Variants in MEGF10 observed in about 807,000 individuals in gnomAD.
The protein encoded by MEGF10 is multiple EGF like domains 10, also known as multiple epidermal growth factor-like domains protein 10.
In MEGF10, 86 loss-of-function variants were observed where a neutral mutation model predicts 147.5. That is an observed-to-expected ratio of 0.58 (90% CI 0.49 to 0.70). The LOEUF is 0.70. Ranked by LOEUF, MEGF10 falls within the 30% of genes least tolerant of loss-of-function variation. The pLI is 0.00. For missense variants in MEGF10, 1,329 were observed against 1,487.3 expected, an observed-to-expected ratio of 0.89 and a Z score of 1.75; for synonymous variants, 478 against 525.5, an observed-to-expected ratio of 0.91 and a Z score of 1.24.
chr5:127,422,763 G>A lies in MEGF10; in HGVS notation c.1684G>A (p.Gly562Arg), dbSNP rs768600085. The A allele has an allele frequency of 1.6e-5, 26 of 1,613,548 alleles. No homozygotes were observed. Among genetic ancestry groups the A allele is most frequent in the South Asian group, 9.9e-5 (9 of 91,046 alleles). ...PTTGHCRCLP[G>R]WSGVHCDSVC... ...CACGGGCCATTGCCGCTGCCTCCCC[G>A]GATGGTCAGGTGAGAGCCAAGGACC... is the stretch of plus-strand genomic sequence containing the variant. The change falls in exon 13 of 25, where the codon GGA becomes AGA. Residue 562 changes from glycine (G) to arginine (R), a missense_variant. Around this residue, in one of 3 missense-constraint regions of MEGF10, gnomAD observed 980 missense variants for 1,085.9 expected, o/e 0.90. Coordinates refer to ENST00000503335, the MANE Select transcript of MEGF10 (RefSeq NM_001256545.2).
the MEGF10 span, among the ~76,000 whole-genome samples, chr5:127,244,914 A>G: frequency 7.2e-5 from 11 of 152,234 alleles, no homozygotes; most frequent in East Asian, 2.1e-3. Flanking sequence ...ATGTAAAGAC[A>G]TGTTTAAAAA....
At chr5:127,355,103 C>CA (rs1481969541) in intron 4 of MEGF10, among the ~76,000 whole-genome samples, 2 of 152,028 alleles carry the variant, frequency 1.3e-5, no homozygotes, top group African/African-American at 4.8e-5. Flanking sequence ...AGGGAAGATG[C>CA]CTTGTTTTGG....
At chr5:127,422,881 T>G in intron 13 of MEGF10, 109 bp downstream of exon 13, 1 of 796,652 alleles carries the variant, frequency 1.3e-6, no homozygotes, top group East Asian at 2.7e-5. Flanking sequence ...TCAAAAAAAA[T>G]GAAAATTCGA....
At chr5:127,363,452 G>A (rs1374447459) in intron 4 of MEGF10, among the ~76,000 whole-genome samples, 1 of 152,134 alleles carries the variant, frequency 6.6e-6, no homozygotes, top group Non-Finnish European at 1.5e-5. Context: ...TGCAGATTCA[G>A]CCATGTCTTC....
rs369870011 is a variant in MEGF10, at chr5:127,456,812, G to T, written c.3233-316G>T. Among the ~76,000 whole-genome samples, 5 of 152,040 alleles carry T rather than the reference G, an allele frequency of 3.3e-5. No homozygotes were observed. In the East Asian group the frequency reaches 9.7e-4, roughly 29 times the overall value. On this transcript the variant is annotated intron_variant, in intron 24 of 24. Transcript: ENST00000503335. The stretch of plus-strand genomic sequence containing the variant: ...CAGTCTTCTCACCTGTGGAATAAGG[G>T]GCTTGGCCTACCTTATCCCCAAGGT...
intron 13 of MEGF10, chr5:127,424,567 C>G (rs1580854257): frequency 7.2e-7 from 1 of 1,388,866 alleles, no homozygotes; most frequent in Non-Finnish European, 9.3e-7. Context: ...TTGAGAGCTT[C>G]TTTGGTTTCT....
chr5:127,247,007 T>G, the MEGF10 span, among the ~76,000 whole-genome samples: 4 of 133,108 alleles, frequency 3.0e-5, no homozygotes, highest in Non-Finnish European at 4.7e-5. Context: ...TATATATATA[T>G]AGACACACCA....
At chr5:127,435,828 T>G (rs1421032348) in intron 16 of MEGF10, among the ~76,000 whole-genome samples, 1 of 151,978 alleles carries the variant, frequency 6.6e-6, no homozygotes, top group African/African-American at 2.4e-5. Context: ...ATCTGGAGAG[T>G]TAATTACAGA....
chr5:127,294,742 T>C (rs1759415544), intron 1 of MEGF10, among the ~76,000 whole-genome samples: 1 of 151,394 alleles, frequency 6.6e-6, no homozygotes, highest in African/African-American at 2.4e-5. Flanking sequence ...GAGGTTGCAG[T>C]GAGCTGAGAT....
intron 6 of MEGF10, among the ~76,000 whole-genome samples, chr5:127,398,086 G>T (rs1427064801): frequency 6.6e-6 from 1 of 151,770 alleles, no homozygotes; most frequent in Admixed American, 6.6e-5. Context: ...GAAAGGGGAG[G>T]GAGAGCATTA....
the MEGF10 span, among the ~76,000 whole-genome samples, chr5:127,261,986 C>A: frequency 6.6e-6 from 1 of 151,982 alleles, no homozygotes; most frequent in African/African-American, 2.4e-5. Flanking sequence ...AGTTATAATA[C>A]TTTTTTATGT....
chr5:127,426,019 G>T (rs1002311073), intron 13 of MEGF10, among the ~76,000 whole-genome samples: 16 of 152,202 alleles, frequency 1.1e-4, no homozygotes, highest in Non-Finnish European at 1.8e-4. Flanking sequence ...GGCCTTAAGT[G>T]CTCCGTCAAC....
rs146038027 is a variant in MEGF10 at position 127,447,627 on chromosome 5, C to T, written c.2799C>T (p.Leu933=). The change falls in exon 21 of 25, where the codon CTC becomes CTT. Residue 933 remains leucine, a synonymous_variant. Transcript: ENST00000503335. ...HYFTNPSYHT[L]TQCATSPHVN... ...TCACCAATCCCAGTTACCACACGCT[C>T]ACCCAGTGTGCCACATCCCCTCACG... 37 of 1,614,050 alleles carry T rather than the reference C, an allele frequency of 2.3e-5. No individual in the cohort carries two copies. The highest frequency in any genetic ancestry group is 3.3e-4 in the Middle Eastern group (2 of 6,084).
chr5:127,430,946 A>G (rs1019109444), intron 13 of MEGF10, among the ~76,000 whole-genome samples: 15 of 152,254 alleles, frequency 9.9e-5, no homozygotes, highest in African/African-American at 9.6e-5. Flanking sequence ...TTGCAATTCT[A>G]AACTAAAAGT....
the MEGF10 span, among the ~76,000 whole-genome samples, chr5:127,256,019 G>T: frequency 6.6e-6 from 1 of 152,120 alleles, no homozygotes; most frequent in Non-Finnish European, 1.5e-5. Context: ...TGTTGCTTCT[G>T]CATCCCCCAG....
chr5:127,254,639 C>T, the MEGF10 span, among the ~76,000 whole-genome samples: 1 of 151,658 alleles, frequency 6.6e-6, no homozygotes, highest in Non-Finnish European at 1.5e-5. Context: ...GGCGAAACCT[C>T]GTCTCTACTA....
rs1370126360 is a variant in MEGF10 at position 127,455,556 on chromosome 5, T to C, written c.3181T>C (p.Tyr1061His). ...MKSPARRDSP[Y>H]AEINNSTSAN... ...ATCGCCGGCACGAAGAGATTCCCCATATGCAGAGATCAATAACTCAACTTC... is the reference window on the plus strand; with the variant it reads ...ATCGCCGGCACGAAGAGATTCCCCACATGCAGAGATCAATAACTCAACTTC... Residue 1061 changes from tyrosine (Y) to histidine (H), a missense_variant, in exon 24 of 25, where the codon TAT becomes CAT. By Grantham distance (83) the Tyr-to-His change is moderately conservative (BLOSUM62 2). Coordinates refer to ENST00000503335, the MANE Select transcript of MEGF10 (RefSeq NM_001256545.2). The C allele has an allele frequency of 3.7e-6, 6 of 1,614,140 alleles. No homozygotes were observed. Among genetic ancestry groups the C allele is most frequent in the Non-Finnish European group, 5.1e-6 (6 of 1,180,024 alleles).
At chr5:127,432,678 T>C (rs965263023) in intron 13 of MEGF10, among the ~76,000 whole-genome samples, 2 of 151,912 alleles carry the variant, frequency 1.3e-5, no homozygotes, top group Non-Finnish European at 2.9e-5. Context: ...CCTTTTGTCA[T>C]TTTTTTTAAT....
intron 4 of MEGF10, among the ~76,000 whole-genome samples, chr5:127,357,629 A>AAATG (rs1255159328): frequency 6.9e-6 from 1 of 144,286 alleles, no homozygotes; most frequent in African/African-American, 2.5e-5. Flanking sequence ...ATAAATAAAT[A>AAATG]AAATTTAAAA....
Sources: gnomAD v4.1 joint callset for allele counts (sites outside exome capture counted in the v4.1 genomes callset) on GRCh38, gnomAD v4.1.1 for gene constraint, gnomAD v4.1.1 regional missense constraint, MANE v1.5 for transcripts, NCBI Gene and HGNC (gene_info 2026-07-23, HGNC 2026-07-21) for gene names.